COPE: variants seen among roughly 807,000 people sequenced by gnomAD.
The protein encoded by COPE is coat protein complex I subunit epsilon.
A neutral mutation model predicts 42.1 loss-of-function variants in COPE; 19 were observed. That is an observed-to-expected ratio of 0.45 (90% CI 0.31 to 0.66). COPE has a LOEUF of 0.66. COPE is among the 30% of genes least tolerant of loss of function. COPE has a pLI of 0.05. For synonymous variants in COPE, 195 were observed against 181.3 expected (o/e 1.08, Z -0.60); for missense variants, 402 against 416.1 (o/e 0.97, Z 0.30).
chr19:18,903,476 C>T, intron 6 of COPE, 53 bp from the exon 7 acceptor site: 2 of 1,542,458 alleles, frequency 1.3e-6, no homozygotes, highest in South Asian at 1.2e-5. Context: ...CGGCCCTTCC[C>T]CCGCCAGCCC....
intron 8 of COPE, 34 bp from the exon 9 acceptor site, chr19:18,899,981 C>A: frequency 6.3e-7 from 1 of 1,594,438 alleles, no homozygotes; most frequent in Non-Finnish European, 8.6e-7. Context: ...GTGAGCCGAA[C>A]ACGGGGACCC....
At chr19:18,914,552 A>C (rs1182960265) in intron 1 of COPE, among the ~76,000 whole-genome samples, 2 of 151,756 alleles carry the variant, frequency 1.3e-5, no homozygotes, top group African/African-American at 4.8e-5. Context: ...ATAAAAAATA[A>C]ATAAGTAACT....
intron 8 of COPE, 81 bp from the exon 9 acceptor site, chr19:18,900,028 G>A (rs1323317322): frequency 2.4e-6 from 3 of 1,273,942 alleles, no homozygotes; most frequent in Non-Finnish European, 1.1e-6. Context: ...GGGTGGATTG[G>A]GGTGAGAGCC....
intron 7 of COPE, among the ~76,000 whole-genome samples, chr19:18,902,721 AAAGG>A (rs1472724420): frequency 2.2e-5 from 1 of 45,940 alleles, no homozygotes; most frequent in Non-Finnish European, 4.1e-5. Flanking sequence ...GAAGGAAAGG[AAAGG>A]AAGGAAAGGA....
intron 7 of COPE, among the ~76,000 whole-genome samples, chr19:18,901,056 T>A (rs55962391): frequency 6.6e-6 from 1 of 152,080 alleles, no homozygotes; most frequent in East Asian, 1.9e-4. Context: ...GTCTCCACCA[T>A]GAAGGGGGAC....
Position 18,913,059 on chromosome 19 carries a change from A to G in COPE, c.127-13T>C, listed in dbSNP as rs769789174. On this transcript the variant is annotated splice_polypyrimidine_tract_variant and intron_variant, in intron 1 of 9. Coordinates refer to ENST00000262812, the MANE Select transcript of COPE (RefSeq NM_007263.4). ...CTGGGCTTGATAGCTGTGGGAACCA[A>G]TGTGAGTCAGGACGCACAGTGGGAG... is the stretch of plus-strand genomic sequence containing the variant. 5 of 1,608,748 alleles carry G rather than the reference A, an allele frequency of 3.1e-6. No individual in the cohort carries two copies. The highest frequency in any genetic ancestry group is 1.1e-5 in the South Asian group (1 of 91,082).
In COPE at chr19:18,900,498, C is replaced by A. The variant is rs2056688794; in HGVS notation, c.736-49G>T. 2.8e-6 allele frequency: 4 copies of A among 1,446,830 alleles called. No homozygotes were observed. The African/African-American group carries it at 5.6e-5, about 20-fold the overall frequency. The allele number at this position is 1,446,830 out of a possible 1,614,324, so 89.6% of individuals were successfully genotyped here. On this transcript the variant is annotated intron_variant, in intron 7 of 9. Coordinates refer to ENST00000262812, the MANE Select transcript of COPE (RefSeq NM_007263.4). ...GAGGCAGGGTCAGCCACTCCAGCCCCCATGCCTGCCCGTCACCCCCACCTC... is the reference window on the plus strand; with the variant it reads ...GAGGCAGGGTCAGCCACTCCAGCCCACATGCCTGCCCGTCACCCCCACCTC...
intron 4 of COPE, chr19:18,905,984 C>T (rs2056755760): frequency 1.3e-5 from 6 of 446,758 alleles, no homozygotes; most frequent in Middle Eastern, 3.0e-4. Flanking sequence ...GGGCCACGCA[C>T]CCGCCCCTGC....
At chr19:18,915,574 ACCACCAAAGCCAGGAGGCCACAT>A (rs2056847611) in intron 1 of COPE, among the ~76,000 whole-genome samples, 1 of 152,208 alleles carries the variant, frequency 6.6e-6, no homozygotes, top group Non-Finnish European at 1.5e-5. Context: ...GAGCCCAGGA[ACCACCAAAGCCAGGAGGCCACAT>A]CCACCAAGGT....
chr19:18,905,989 C>CCCTGCA (rs775637383), intron 4 of COPE: 59 of 438,746 alleles, frequency 1.3e-4, no homozygotes, highest in East Asian at 1.2e-3. Flanking sequence ...ACGCACCCGC[C>CCCTGCA]CCTGCACCTG....
intron 1 of COPE, among the ~76,000 whole-genome samples, chr19:18,918,620 G>T (rs1412543893): frequency 2.0e-5 from 3 of 152,102 alleles, no homozygotes; most frequent in African/African-American, 7.2e-5. Context: ...GTAGACTCAT[G>T]GTTTCTCCAC....
chr19:18,899,859 T>C lies in COPE; in HGVS notation c.879+14A>G. The C allele has an allele frequency of 6.2e-7, 1 of 1,612,628 alleles. No individual in the cohort carries two copies. The highest frequency in any genetic ancestry group is 8.5e-7 in the Non-Finnish European group (1 of 1,179,318). On this transcript the variant is annotated intron_variant, in intron 9 of 9. Coordinates refer to ENST00000262812, the MANE Select transcript of COPE (RefSeq NM_007263.4). ...TGGCCTGGTTCTCGGGGACAGGCCA[T>C]CCCCACCACTCACCTTGGCCTGGTA...
At chr19:18,918,201 A>G (rs1601240412) in intron 1 of COPE, among the ~76,000 whole-genome samples, 1 of 133,096 alleles carries the variant, frequency 7.5e-6, no homozygotes, top group East Asian at 2.1e-4. Flanking sequence ...AAAAAAAAAA[A>G]AAGAAAAGAA....
At chr19:18,903,140 T>C (rs1041177754) in intron 7 of COPE, 128 bp downstream of exon 7, 16 of 970,326 alleles carry the variant, frequency 1.6e-5, no homozygotes, top group African/African-American at 1.5e-4. Context: ...GACTGGGCCT[T>C]AGAAGCCCTG....
Position 18,919,370 on chromosome 19 carries a change from C to A in COPE, c.-22G>T. ...CCATTTCGCTGTCTTCTCACCAGCT[C>A]CTCTTCCTGAAAGACACGTCAGCCG... On this transcript the variant is annotated 5_prime_UTR_variant, in exon 1 of 10. Transcript: ENST00000262812. 1.2e-6 allele frequency: 2 copies of A among 1,610,092 alleles called. No homozygotes were observed. The highest frequency in any genetic ancestry group is 1.1e-5 in the South Asian group (1 of 90,868).
At chr19:18,918,334 A>G (rs1055303845) in intron 1 of COPE, among the ~76,000 whole-genome samples, 1 of 151,540 alleles carries the variant, frequency 6.6e-6, no homozygotes, top group African/African-American at 2.4e-5. Context: ...GAATCCTTAA[A>G]AACTCTTAGT....
chr19:18,905,492 A>G, intron 5 of COPE, 84 bp downstream of exon 5: 1 of 1,361,170 alleles, frequency 7.3e-7, no homozygotes, highest in Non-Finnish European at 9.9e-7. Flanking sequence ...TGACAGCACC[A>G]CAGACGCTCT....
chr19:18,913,163 T>A, intron 1 of COPE, 117 bp from the exon 2 acceptor site: 1 of 893,768 alleles, frequency 1.1e-6, no homozygotes, highest in Non-Finnish European at 1.8e-6. Flanking sequence ...CCGGCAGGGT[T>A]GGAGGTCTGA....
chr19:18,908,255 C>G (rs893327357), intron 3 of COPE, among the ~76,000 whole-genome samples: 3 of 152,004 alleles, frequency 2.0e-5, no homozygotes, highest in African/African-American at 7.2e-5. Flanking sequence ...ATAGTAGGAC[C>G]CCTTTTTCTA....
Sources: allele counts gnomAD v4.1 joint callset (sites outside exome capture counted in the v4.1 genomes callset), GRCh38; gene constraint gnomAD v4.1.1; transcripts MANE v1.5; gene names NCBI Gene and HGNC (gene_info 2026-07-23, HGNC 2026-07-21).